The following MUC12 variants were observed in gnomAD, a reference collection of about 807,000 sequenced individuals.
The protein encoded by MUC12 is mucin-12.
A neutral mutation model predicts 230.8 loss-of-function variants in MUC12; 172 were observed. The observed-to-expected ratio is 0.75, with a 90% CI of 0.66 to 0.85. MUC12 has a LOEUF of 0.85. Ranked by LOEUF, MUC12 falls within the 40% of genes least tolerant of loss-of-function variation. MUC12 has a pLI of 0.00. For missense variants in MUC12, 3,506 were observed against 5,920.6 expected (o/e 0.59, Z 13.38); for synonymous variants, 1,259 against 2,401.9 (o/e 0.52, Z 13.91).
chr7:100,995,618 A>G lies in MUC12; in HGVS notation c.5055A>G (p.Glu1685=), dbSNP rs371243188. ...SPAGSTTRQG[E]STTFQSWPSS... ...CCGGCTCTACAACACGTCAGGGAGA[A>G]TCTACCACCTTCCAGAGCTGGCCAA... is the stretch of plus-strand genomic sequence containing the variant. Residue 1685 remains glutamate (E), a synonymous_variant, in exon 2 of 12, where the codon GAA becomes GAG. Transcript: ENST00000536621. 8.7e-5 allele frequency: 134 copies of G among 1,537,002 alleles called. 1 individual carries two copies. In the East Asian group the frequency reaches 2.2e-3, roughly 26 times the overall value.
At chr7:100,979,183 G>A (rs1268424201) in intron 1 of MUC12, among the ~76,000 whole-genome samples, 1 of 152,106 alleles carries the variant, frequency 6.6e-6, no homozygotes, top group Non-Finnish European at 1.5e-5. Context: ...GGCAAGAAAG[G>A]ACTCAACTTA....
intron 1 of MUC12, among the ~76,000 whole-genome samples, chr7:100,970,922 G>A (rs1447010011): frequency 1.3e-5 from 2 of 151,958 alleles, no homozygotes; most frequent in Non-Finnish European, 1.5e-5. Context: ...GCGTGAACCC[G>A]GGAGGCGGAG....
intron 1 of MUC12, chr7:100,972,278 C>T (rs1792920158): frequency 2.9e-6 from 2 of 698,908 alleles, no homozygotes; most frequent in Middle Eastern, 2.6e-4. Context: ...AACACGGCCA[C>T]CACTTGACAG....
At chr7:100,972,965 G>A (rs535459712) in intron 1 of MUC12, 45 of 703,068 alleles carry the variant, frequency 6.4e-5, no homozygotes, top group Admixed American at 6.0e-4. Flanking sequence ...GGGGAGCTAC[G>A]GTGCAGGAAT....
rs1315770368 is a variant in MUC12 at position 100,991,398 on chromosome 7, C to T, written c.835C>T (p.Gln279Ter). 6.5e-7 allele frequency: 1 copy of T among 1,537,854 alleles called. No homozygotes were observed. Among genetic ancestry groups the T allele is most frequent in the African/African-American group, 1.4e-5 (1 of 73,172 alleles). The change falls in exon 2 of 12, where the codon CAG becomes TAG. Residue 279 changes from glutamine (Q) to a stop codon, truncating the protein, a stop_gained. Coordinates refer to ENST00000536621, the MANE Select transcript of MUC12 (RefSeq NM_001164462.2). LOFTEE classifies it high-confidence loss of function. ...TTHEGEPTTF[Q>*]SWPSSKDTSP... ...CCATGAGGGAGAACCTACCACCTTC[C>T]AGAGCTGGCCAAGCTCAAAGGACAC...
rs1793732507 is a variant in MUC12, at chr7:101,005,484, T to C, written c.14921T>C (p.Ile4974Thr). ...FHTSPSFTST[I>T]VSTESLETLA... is the part of the protein sequence containing the mutation. Reference sequence around the variant, plus strand: ...ACCAGTCCAAGCTTCACTTCTACAATTGTGTCTACTGAAAGCCTGGAAACC... The same window carrying C: ...ACCAGTCCAAGCTTCACTTCTACAACTGTGTCTACTGAAAGCCTGGAAACC... The change falls in exon 2 of 12, where the codon ATT becomes ACT. Residue 4974 changes from isoleucine (I) to threonine (T), a missense_variant. Coordinates refer to ENST00000536621, the MANE Select transcript of MUC12 (RefSeq NM_001164462.2). 1.3e-6 allele frequency: 2 copies of C among 1,537,540 alleles called. No homozygotes were observed. The highest frequency in any genetic ancestry group is 1.7e-6 in the Non-Finnish European group (2 of 1,146,852).
At position 101,004,903 on chromosome 7, in the gene MUC12, G is replaced by A. The variant is rs374711314; in HGVS notation, c.14340G>A (p.Ala4780=). The A allele has an allele frequency of 9.0e-5, 138 of 1,537,204 alleles. No homozygotes were observed. The highest frequency in any genetic ancestry group is 8.5e-4 in the African/African-American group (62 of 72,910). Reference sequence around the variant, plus strand: ...AAGCAGAGTCAACACACACAACAGCGTTCCCTGCCAGCACCACCACCTCAG... The same window carrying A: ...AAGCAGAGTCAACACACACAACAGCATTCCCTGCCAGCACCACCACCTCAG... The part of the protein sequence containing the change: ...YSQAESTHTT[A]FPASTTTSGL... The change falls in exon 2 of 12, where the codon GCG becomes GCA. Residue 4780 remains alanine (A), a synonymous_variant. Transcript: ENST00000536621.
intron 10 of MUC12, among the ~76,000 whole-genome samples, chr7:101,016,211 C>T (rs939601739): frequency 1.3e-5 from 2 of 151,192 alleles, no homozygotes; most frequent in African/African-American, 2.4e-5. Flanking sequence ...TTGCTTTTGG[C>T]GGGGAAGGGA....
intron 1 of MUC12, among the ~76,000 whole-genome samples, chr7:100,989,936 A>G (rs908256206): frequency 7.2e-5 from 11 of 151,782 alleles, no homozygotes; most frequent in African/African-American, 2.7e-4. Flanking sequence ...CAAGTGATCC[A>G]CCCACCTCGG....
Position 100,990,629 on chromosome 7 carries a change from A to T in MUC12, c.68-2A>T, listed in dbSNP as rs764947933. ...CTTTCTCTGGTTTCTCTCAAATCAC[A>T]GGCTCAACAGTAAACACCAGTATTG... is the stretch of plus-strand genomic sequence containing the variant. On this transcript the variant is annotated splice_acceptor_variant, in intron 1 of 11. Coordinates refer to ENST00000536621, the MANE Select transcript of MUC12 (RefSeq NM_001164462.2). LOFTEE classifies it high-confidence loss of function. 14 of 1,537,414 alleles carry T rather than the reference A, an allele frequency of 9.1e-6. No individual in the cohort carries two copies. In the South Asian group the frequency reaches 1.7e-4, roughly 18 times the overall value.
At position 100,991,783 on chromosome 7, in the gene MUC12, T is replaced by A. The variant is rs564124915; in HGVS notation, c.1220T>A (p.Leu407Gln). The change falls in exon 2 of 12, where the codon CTA (leucine) becomes CAA (glutamine). Residue 407 changes from leucine to glutamine, a missense_variant. Transcript: ENST00000536621. ...TCAACTCCTAGCACCACAGCTGCCC[T>A]AGCACATACAAGCTACCACAGCAGC... Reference protein sequence around the residue: ...KSSTPSTTAALAHTSYHSSLG... With the variant: ...KSSTPSTTAAQAHTSYHSSLG... The A allele has an allele frequency of 3.3e-6, 5 of 1,537,732 alleles. No individual in the cohort carries two copies. The Admixed American group carries it at 5.9e-5, about 18-fold the overall frequency.
In MUC12 at chr7:100,991,855, C is replaced by G; in HGVS notation, c.1292C>G (p.Ser431Ter). 6.5e-7 allele frequency: 1 copy of G among 1,537,668 alleles called. No homozygotes were observed. The change falls in exon 2 of 12, where the codon TCA becomes TGA. Residue 431 changes from serine (S) to a stop codon, truncating the protein, a stop_gained. Coordinates refer to ENST00000536621, the MANE Select transcript of MUC12 (RefSeq NM_001164462.2). LOFTEE classifies it high-confidence loss of function. Reference protein sequence around the residue: ...TTHFRDSSTISGRSEESKASH... With the variant: ...TTHFRDSSTI Reference sequence around the variant, plus strand: ...CACTTCCGTGATAGCTCCACAATCTCAGGCCGTAGTGAGGAATCAAAAGCA... The same window carrying G: ...CACTTCCGTGATAGCTCCACAATCTGAGGCCGTAGTGAGGAATCAAAAGCA...
Position 100,992,635 on chromosome 7 carries a change from G to A in MUC12, c.2072G>A (p.Ser691Asn). Residue 691 changes from serine (S) to asparagine (N), a missense_variant, in exon 2 of 12, where the codon AGC becomes AAC. By Grantham distance (46) the Ser-to-Asn change is conservative (BLOSUM62 1). Transcript: ENST00000536621. ...GTTGAAGAATCTACGACCTACCACA[G>A]CAGCCCGGGCTCAACTCAAACAATG... is the stretch of plus-strand genomic sequence containing the variant. The part of the protein sequence containing the change: ...GLVEESTTYH[S>N]SPGSTQTMHF... The A allele has an allele frequency of 2.0e-6, 3 of 1,537,224 alleles. No homozygotes were observed. Among genetic ancestry groups the A allele is most frequent in the African/African-American group, 1.4e-5 (1 of 72,818 alleles).
Position 100,991,212 on chromosome 7 carries a change from C to A in MUC12, c.649C>A (p.Leu217Ile). ...LSPGTTTPSS[L>I]GPESTTFHSS... ...CCCTGGCACTACCACACCATCATCCCTTGGTCCAGAATCTACTACCTTCCA... is the reference window on the plus strand; with the variant it reads ...CCCTGGCACTACCACACCATCATCCATTGGTCCAGAATCTACTACCTTCCA... Residue 217 changes from leucine (L) to isoleucine (I), a missense_variant, in exon 2 of 12, where the codon CTT becomes ATT. Leu to Ile is a conservative substitution (Grantham distance 5). Coordinates refer to ENST00000536621, the MANE Select transcript of MUC12 (RefSeq NM_001164462.2). 2 of 1,537,644 alleles carry A rather than the reference C, an allele frequency of 1.3e-6. No homozygotes were observed. The highest frequency in any genetic ancestry group is 1.7e-6 in the Non-Finnish European group (2 of 1,146,918).
At chr7:101,015,091 G>A (rs963035400) in intron 9 of MUC12, 4 of 155,758 alleles carry the variant, frequency 2.6e-5, no homozygotes, top group African/African-American at 9.7e-5. Context: ...TCCAACACAT[G>A]AACTCTAAGG....
In MUC12 at chr7:101,004,429, A is replaced by T; in HGVS notation, c.13866A>T (p.Thr4622=). The T allele has an allele frequency of 2.6e-6, 4 of 1,516,638 alleles. No homozygotes were observed. Among genetic ancestry groups the T allele is most frequent in the Non-Finnish European group, 3.5e-6 (4 of 1,140,374 alleles). 93.9% of individuals were successfully genotyped at this position (1,516,638 alleles called of 1,614,324 possible). A position where few individuals can be genotyped will look rare whatever the true frequency, so the allele number is the denominator to read the frequency against. Residue 4622 remains threonine (T), a synonymous_variant, in exon 2 of 12, where the codon ACA becomes ACT. Coordinates refer to ENST00000536621, the MANE Select transcript of MUC12 (RefSeq NM_001164462.2). ...CAATGCACTTCCCTGAAAGCTCCAC[A>T]GCTTCAGGTCGTAGTGAAGAATCAA... ...TQTMHFPESS[T]ASGRSEESRT...
chr7:100,992,239 C>G lies in MUC12; in HGVS notation c.1676C>G (p.Thr559Arg). 6.5e-7 allele frequency: 1 copy of G among 1,537,278 alleles called. No individual in the cohort carries two copies. Among genetic ancestry groups the G allele is most frequent in the Non-Finnish European group, 8.7e-7 (1 of 1,146,520 alleles). The part of the protein sequence containing the change: ...STASHSSPGP[T>R]DTTLSPGSTT... The stretch of plus-strand genomic sequence containing the variant: ...GCTTCCCACAGCAGCCCAGGCCCCA[C>G]AGACACAACATTGTCCCCTGGCAGT... Residue 559 changes from threonine to arginine, a missense_variant, in exon 2 of 12, where the codon ACA (threonine) becomes AGA (arginine). Transcript: ENST00000536621.
chr7:100,995,506 C>A lies in MUC12; in HGVS notation c.4943C>A (p.Pro1648His). Residue 1648 changes from proline to histidine, a missense_variant, in exon 2 of 12, where the codon CCT (proline) becomes CAT (histidine). Physicochemically the swap from Pro to His is moderately conservative, Grantham distance 77. Transcript: ENST00000536621. ...GGCTCCACTGAAACAACACTCTTAC[C>A]TGACAACACCACAGCCTCAGGCCTC... Reference protein sequence around the residue: ...SPGSTETTLLPDNTTASGLLE... With the variant: ...SPGSTETTLLHDNTTASGLLE... 1 of 1,535,798 alleles carries A rather than the reference C, an allele frequency of 6.5e-7. No individual in the cohort carries two copies. Among genetic ancestry groups the A allele is most frequent in the Non-Finnish European group, 8.7e-7 (1 of 1,146,832 alleles).
At position 101,018,879 on chromosome 7, in the gene MUC12, C is replaced by T; in HGVS notation, c.*243C>T. On this transcript the variant is annotated 3_prime_UTR_variant, in exon 12 of 12. Transcript: ENST00000536621. ...AGAAGCCTCGGCACCCCTGTCTCCT[C>T]CTGGGTGGCTCCCCACTCTGGAATT... The T allele has an allele frequency of 2.2e-6, 1 of 458,226 alleles. No homozygotes were observed. The highest frequency in any genetic ancestry group is 3.8e-6 in the Non-Finnish European group (1 of 262,884). The allele number at this position is 458,226 out of a possible 1,614,324, so 28.4% of individuals were successfully genotyped here. A position where few individuals can be genotyped will look rare whatever the true frequency, so the allele number is the denominator to read the frequency against.
Sources: allele counts gnomAD v4.1 joint callset (sites outside exome capture counted in the v4.1 genomes callset), GRCh38; gene constraint gnomAD v4.1.1; transcripts MANE v1.5; gene names NCBI Gene and HGNC (gene_info 2026-07-23, HGNC 2026-07-21).